Variants in CDH9 observed in about 807,000 individuals in gnomAD.
CDH9 encodes the protein cadherin 9.
A neutral mutation model predicts 70.9 loss-of-function variants in CDH9; 28 were observed. The ratio of observed to expected loss-of-function variants is 0.40; its 90% CI spans 0.29 to 0.54. CDH9 has a LOEUF of 0.54. CDH9 is among the 20% of genes least tolerant of loss of function. The probability of loss-of-function intolerance (pLI) is 0.59; values close to 1 mark genes in which losing one functional copy is unlikely to be tolerated. For missense variants in CDH9, 874 were observed against 984.4 expected (o/e 0.89, Z 1.50); for synonymous variants, 409 against 343.1 (o/e 1.19, Z -2.12).
At chr5:26,975,831 T>C (rs1742295469) in intron 2 of CDH9, among the ~76,000 whole-genome samples, 1 of 152,172 alleles carries the variant, frequency 6.6e-6, no homozygotes, top group Non-Finnish European at 1.5e-5. Flanking sequence ...TTCCCAGTTA[T>C]GGGTAGTAGA....
chr5:27,038,319 A>G (rs1328925124), intron 1 of CDH9, 144 bp downstream of exon 1: 1 of 151,702 alleles, frequency 6.6e-6, no homozygotes, highest in Non-Finnish European at 1.5e-5. Flanking sequence ...ACTAAAATGT[A>G]TTCTTATGTG....
At chr5:26,922,769 C>A (rs1257660843) in intron 2 of CDH9, among the ~76,000 whole-genome samples, 3 of 151,482 alleles carry the variant, frequency 2.0e-5, no homozygotes, top group Admixed American at 2.0e-4. Flanking sequence ...ATAAAAACAA[C>A]CAATTAAAAA....
At position 27,032,490 on chromosome 5, in the gene CDH9, T is replaced by C. The variant is rs77321928; in HGVS notation, c.-50+5973A>G. 3.4e-3 allele frequency among the ~76,000 whole-genome samples: 509 copies of C among 151,774 alleles called. 4 individuals are homozygous for C. The highest frequency in any genetic ancestry group is 0.012 in the African/African-American group (490 of 41,516). The stretch of plus-strand genomic sequence containing the variant: ...AGCTGAATTAAAACCATATTAAATA[T>C]GTCACATCATCTAGATAAACTGGCA... On this transcript the variant is annotated intron_variant, in intron 1 of 11. Transcript: ENST00000231021.
chr5:26,983,805 T>G (rs1742443479), intron 2 of CDH9, among the ~76,000 whole-genome samples: 1 of 152,170 alleles, frequency 6.6e-6, no homozygotes, highest in African/African-American at 2.4e-5. Context: ...GAGATTTTAT[T>G]TCTATTTCTA....
At chr5:26,890,335 T>C (rs1310940787) in intron 8 of CDH9, 93 bp downstream of exon 8, 1 of 1,006,172 alleles carries the variant, frequency 9.9e-7, no homozygotes, top group African/African-American at 1.6e-5. Flanking sequence ...AAGGATACAA[T>C]CATACCACTC....
intron 1 of CDH9, among the ~76,000 whole-genome samples, chr5:27,021,273 T>C (rs1156254604): frequency 6.6e-6 from 1 of 151,904 alleles, no homozygotes; most frequent in African/African-American, 2.4e-5. Context: ...TATGTACATT[T>C]AACTGAGTTT....
At chr5:26,945,205 CT>C (rs200610013) in intron 2 of CDH9, among the ~76,000 whole-genome samples, 3,787 of 143,992 alleles carry the variant, frequency 0.026, 147 homozygotes, top group African/African-American at 0.087. Context: ...TGTTTCCTTG[CT>C]TTTTTTTTTT....
In CDH9 at chr5:26,964,806, C is replaced by T. The variant is rs537669564; in HGVS notation, c.228+23300G>A. The stretch of plus-strand genomic sequence containing the variant: ...CCACCCCCACCACCCCCCAACAGGC[C>T]CCAGTGTGTGAGTTTCCCCTCCCTG... On this transcript the variant is annotated intron_variant, in intron 2 of 11. Coordinates refer to ENST00000231021, the MANE Select transcript of CDH9 (RefSeq NM_016279.4). Among the ~76,000 whole-genome samples the T allele has an allele frequency of 4.5e-4, 66 of 147,538 alleles. 3 individuals are homozygous for T. The South Asian group carries it at 0.013, about 29-fold the overall frequency.
chr5:27,002,147 G>A (rs1163975650), intron 1 of CDH9, among the ~76,000 whole-genome samples: 1 of 152,112 alleles, frequency 6.6e-6, no homozygotes, highest in East Asian at 1.9e-4. Flanking sequence ...AGACATTTAT[G>A]CAGCCAAAAG....
At chr5:26,883,086 TATATATATAAAA>T (rs1707941946) in intron 11 of CDH9, among the ~76,000 whole-genome samples, 3 of 122,932 alleles carry the variant, frequency 2.4e-5, no homozygotes, top group African/African-American at 9.1e-5. Context: ...TATATATATA[TATATATATAAAA>T]CTGCAGTAAA....
At chr5:26,922,544 AG>A (rs1351007642) in intron 2 of CDH9, among the ~76,000 whole-genome samples, 1 of 152,086 alleles carries the variant, frequency 6.6e-6, no homozygotes, top group Non-Finnish European at 1.5e-5. Flanking sequence ...GACAAACAAA[AG>A]TCAGGGGACT....
At position 26,978,225 on chromosome 5, in the gene CDH9, T is replaced by C. The variant is rs139040303; in HGVS notation, c.228+9881A>G. Among the ~76,000 whole-genome samples the C allele has an allele frequency of 5.3e-5, 8 of 151,998 alleles. No homozygotes were observed. The East Asian group carries it at 7.7e-4, about 15-fold the overall frequency. On this transcript the variant is annotated intron_variant, in intron 2 of 11. Coordinates refer to ENST00000231021, the MANE Select transcript of CDH9 (RefSeq NM_016279.4). ...AATAGACTTAAAGAAGACCCTGATA[T>C]TGAATTTAGTGGGACAAAGACTTAT...
At chr5:26,945,762 A>T (rs893235817) in intron 2 of CDH9, among the ~76,000 whole-genome samples, 1 of 152,212 alleles carries the variant, frequency 6.6e-6, no homozygotes, top group African/African-American at 2.4e-5. Context: ...AAAAGTGTCA[A>T]TGATAATAGC....
At chr5:26,888,591 T>C (rs1015920276) in intron 9 of CDH9, among the ~76,000 whole-genome samples, 1 of 152,220 alleles carries the variant, frequency 6.6e-6, no homozygotes, top group Admixed American at 6.5e-5. Flanking sequence ...TCCATGTTAT[T>C]ACAAATAAAA....
Position 26,881,219 on chromosome 5 carries a change from C to A in CDH9, c.2287G>T (p.Asp763Tyr). 1 of 1,612,708 alleles carries A rather than the reference C, an allele frequency of 6.2e-7. No individual in the cohort carries two copies. The highest frequency in any genetic ancestry group is 1.1e-5 in the South Asian group (1 of 91,064). The change falls in exon 12 of 12, where the codon GAT (aspartate) becomes TAT (tyrosine). Residue 763 changes from aspartate to tyrosine, a missense_variant. Physicochemically the swap from Asp to Tyr is radical, Grantham distance 160. Coordinates refer to ENST00000231021, the MANE Select transcript of CDH9 (RefSeq NM_016279.4). ...CCCCAGTCACTGAGGTAATCATAAT[C>A]TTGGTTACAATCAGCTGTGAGAGAT... Reference protein sequence around the residue: ...LESLTADCNQDYDYLSDWGPR... With the variant: ...LESLTADCNQYYDYLSDWGPR...
chr5:26,931,890 C>A (rs1326451878), intron 2 of CDH9, among the ~76,000 whole-genome samples: 1 of 151,920 alleles, frequency 6.6e-6, no homozygotes, highest in Non-Finnish European at 1.5e-5. Context: ...GAATATGGCA[C>A]AGAAGAATTT....
chr5:26,933,658 C>T (rs186206523), intron 2 of CDH9, among the ~76,000 whole-genome samples: 1 of 151,998 alleles, frequency 6.6e-6, no homozygotes, highest in African/African-American at 2.4e-5. Flanking sequence ...TCTGTAGTCC[C>T]AACTGCTTGG....
chr5:26,886,283 G>A (rs955517294), intron 9 of CDH9, among the ~76,000 whole-genome samples, 200 bp from the exon 10 acceptor site: 3 of 152,096 alleles, frequency 2.0e-5, no homozygotes, highest in African/African-American at 7.2e-5. Context: ...TTAGTTAAGA[G>A]TGGAAGACAT....
intron 2 of CDH9, among the ~76,000 whole-genome samples, chr5:26,969,040 C>A (rs564902498): frequency 6.6e-6 from 1 of 152,246 alleles, no homozygotes; most frequent in Non-Finnish European, 1.5e-5. Context: ...TTTTACTAAA[C>A]AATTTGTCTC....
Sources: allele counts gnomAD v4.1 joint callset (sites outside exome capture counted in the v4.1 genomes callset), GRCh38; gene constraint gnomAD v4.1.1; transcripts MANE v1.5; gene names NCBI Gene and HGNC (gene_info 2026-07-23, HGNC 2026-07-21).